ANKS1B: variants seen among roughly 807,000 people sequenced by gnomAD.
ANKS1B encodes the protein ankyrin repeat and sterile alpha motif domain-containing protein 1B.
ANKS1B carries 36 observed loss-of-function variants against 148.3 expected under a neutral mutation model. The ratio of observed to expected loss-of-function variants is 0.24; its 90% CI spans 0.19 to 0.32. The LOEUF is 0.32. Ranked by LOEUF, ANKS1B falls within the 10% of genes least tolerant of loss-of-function variation. The pLI is 1.00. For missense variants in ANKS1B, 1,157 were observed against 1,542.6 expected (o/e 0.75, Z 4.19); for synonymous variants, 542 against 560.8 (o/e 0.97, Z 0.47).
intron 8 of ANKS1B, among the ~76,000 whole-genome samples, chr12:99,701,798 T>A (rs555629498): frequency 1.3e-5 from 2 of 152,256 alleles, no homozygotes; most frequent in Non-Finnish European, 2.9e-5. Context: ...GCAAAGTTTG[T>A]CTTTCTGTGC....
intron 9 of ANKS1B, among the ~76,000 whole-genome samples, chr12:99,504,983 C>G (rs1357314548): frequency 6.6e-6 from 1 of 152,096 alleles, no homozygotes; most frequent in East Asian, 1.9e-4. Flanking sequence ...TGGAGACACC[C>G]ATATAACTCG....
chr12:99,341,543 C>A (rs1422501780), intron 12 of ANKS1B, among the ~76,000 whole-genome samples: 2 of 152,098 alleles, frequency 1.3e-5, no homozygotes, highest in Non-Finnish European at 2.9e-5. Flanking sequence ...CTTCTCTGTT[C>A]CCTTCTGCAT....
intron 12 of ANKS1B, among the ~76,000 whole-genome samples, chr12:99,359,403 G>A (rs1263617704): frequency 6.6e-6 from 1 of 151,882 alleles, no homozygotes; most frequent in African/African-American, 2.4e-5. Context: ...TACCTATGTG[G>A]CTTGAATAAA....
intron 8 of ANKS1B, among the ~76,000 whole-genome samples, chr12:99,716,735 TC>T (rs1287207563): frequency 1.3e-5 from 2 of 151,996 alleles, no homozygotes; most frequent in African/African-American, 4.8e-5. Context: ...ATGCAAATCG[TC>T]CCAAATCTTC....
intron 8 of ANKS1B, among the ~76,000 whole-genome samples, chr12:99,719,912 T>G (rs2057891532): frequency 6.6e-6 from 1 of 152,126 alleles, no homozygotes; most frequent in African/African-American, 2.4e-5. Context: ...TCAGTTTTTC[T>G]CCTTCTCATC....
chr12:99,522,786 C>T (rs1424819928), intron 9 of ANKS1B, among the ~76,000 whole-genome samples: 1 of 152,138 alleles, frequency 6.6e-6, no homozygotes, highest in Admixed American at 6.5e-5. Flanking sequence ...TGATATTTCA[C>T]CTAGAAAGAG....
rs904470935 is a variant in ANKS1B at position 99,464,241 on chromosome 12, A to G, written c.1439-20432T>C. Among the ~76,000 whole-genome samples, 138 of 152,326 alleles carry G rather than the reference A, an allele frequency of 9.1e-4. 1 individual carries two copies. The highest frequency in any genetic ancestry group is 1.4e-3 in the Non-Finnish European group (93 of 68,030). On this transcript the variant is annotated intron_variant, in intron 10 of 26. Transcript: ENST00000683438. ...CCTGCAGCTGAGGGTCCTGTCTGTT[A>G]GAGGGAAAACTAACAAACAGAAAGG...
intron 17 of ANKS1B, among the ~76,000 whole-genome samples, chr12:99,014,839 C>T (rs2099941453): frequency 6.6e-6 from 1 of 151,828 alleles, no homozygotes; most frequent in Admixed American, 6.6e-5. Context: ...TTACACCAGT[C>T]TGACTCTTAC....
chr12:99,582,631 G>T (rs888971450), intron 9 of ANKS1B, among the ~76,000 whole-genome samples: 1 of 152,042 alleles, frequency 6.6e-6, no homozygotes, highest in South Asian at 2.1e-4. Context: ...TGAAGACAAC[G>T]CAATACTATG....
chr12:99,899,858 G>C (rs2093525255), intron 1 of ANKS1B, among the ~76,000 whole-genome samples: 1 of 151,788 alleles, frequency 6.6e-6, no homozygotes, highest in South Asian at 2.1e-4. Flanking sequence ...AATGTTTCCA[G>C]GATATGGATT....
intron 17 of ANKS1B, among the ~76,000 whole-genome samples, chr12:98,840,251 A>G (rs2099398343): frequency 6.6e-6 from 1 of 152,036 alleles, no homozygotes; most frequent in African/African-American, 2.4e-5. Context: ...ACTTCCTTAC[A>G]TCCCACCATC....
At chr12:99,817,013 CT>C (rs1222742077) in intron 2 of ANKS1B, among the ~76,000 whole-genome samples, 3 of 151,294 alleles carry the variant, frequency 2.0e-5, no homozygotes, top group East Asian at 1.9e-4. Context: ...AAAGGTTTAT[CT>C]TTTTTTTGTG....
Position 98,745,375 on chromosome 12 carries a change from C to CATTTTTTTTTTTTTTTT in ANKS1B, c.*363_*364insAAAAAAAAAAAAAAAAT. The stretch of plus-strand genomic sequence containing the variant: ...TAGGCAGTATTAGAGATCCCCTTTA[C>CATTTTTTTTTTTTTTTT]TTTTTTTTTTTTTTTTTTTTTTTTA... On this transcript the variant is annotated 3_prime_UTR_variant, in exon 27 of 27. Coordinates refer to ENST00000683438, the MANE Select transcript of ANKS1B (RefSeq NM_001352186.2). 1 of 911,240 alleles carries CATTTTTTTTTTTTTTTT rather than the reference C, an allele frequency of 1.1e-6. No homozygotes were observed. Among genetic ancestry groups the CATTTTTTTTTTTTTTTT allele is most frequent in the Non-Finnish European group, 1.3e-6 (1 of 791,614 alleles). 56.4% of individuals were successfully genotyped at this position (911,240 alleles called of 1,614,324 possible).
At chr12:99,077,185 C>T (rs766464140) in intron 16 of ANKS1B, among the ~76,000 whole-genome samples, 6 of 152,120 alleles carry the variant, frequency 3.9e-5, no homozygotes, top group Non-Finnish European at 8.8e-5. Context: ...TCTGTGCCTT[C>T]GGTGAGACTG....
intron 8 of ANKS1B, among the ~76,000 whole-genome samples, chr12:99,734,933 T>C (rs7297279): frequency 0.67 from 101,664 of 151,978 alleles, 34,137 homozygotes; most frequent in Non-Finnish European, 0.7. Flanking sequence ...AGACCCACCC[T>C]GCACCTCATT....
chr12:99,752,206 C>CT (rs941239453), intron 8 of ANKS1B, among the ~76,000 whole-genome samples: 3 of 151,908 alleles, frequency 2.0e-5, no homozygotes, highest in African/African-American at 7.2e-5. Flanking sequence ...ATAGCTATTT[C>CT]TTTTTTTAAC....
intron 9 of ANKS1B, among the ~76,000 whole-genome samples, chr12:99,626,134 A>G (rs1163540619): frequency 6.6e-6 from 1 of 152,178 alleles, no homozygotes; most frequent in Admixed American, 6.6e-5. Flanking sequence ...CTAACCTGAG[A>G]AAAACAGGTT....
At chr12:99,813,133 C>T (rs867238734) in intron 2 of ANKS1B, among the ~76,000 whole-genome samples, 2 of 151,652 alleles carry the variant, frequency 1.3e-5, no homozygotes, top group African/African-American at 4.8e-5. Context: ...AATTTCAACA[C>T]ATATTCAATA....
At chr12:99,672,188 G>A (rs1161165771) in intron 8 of ANKS1B, among the ~76,000 whole-genome samples, 1 of 152,020 alleles carries the variant, frequency 6.6e-6, no homozygotes, top group Non-Finnish European at 1.5e-5. Flanking sequence ...AACCCATGCT[G>A]GATAAGTCTT....
Sources: gnomAD v4.1 joint callset for allele counts (sites outside exome capture counted in the v4.1 genomes callset) on GRCh38, gnomAD v4.1.1 for gene constraint, MANE v1.5 for transcripts, NCBI Gene and HGNC (gene_info 2026-07-23, HGNC 2026-07-21) for gene names.